Variants in MYO18B observed in about 807,000 individuals in gnomAD.
MYO18B encodes the protein myosin XVIIIB.
In MYO18B, 204 loss-of-function variants were observed where a neutral mutation model predicts 273.0. The ratio of observed to expected loss-of-function variants is 0.75; its 90% CI spans 0.67 to 0.84. The LOEUF is 0.84. Among genes scored for constraint, MYO18B ranks in the 40% least tolerant of loss-of-function variants. The pLI is 0.00. For synonymous variants in MYO18B, 1,330 were observed against 1,305.7 expected, an observed-to-expected ratio of 1.02 and a Z score of -0.40; for missense variants, 3,212 against 3,287.6, an observed-to-expected ratio of 0.98 and a Z score of 0.56.
At chr22:26,048,079 C>T in the MYO18B span, among the ~76,000 whole-genome samples, 1 of 152,160 alleles carries the variant, frequency 6.6e-6, no homozygotes, top group East Asian at 1.9e-4. Context: ...GAGTAGACTT[C>T]CTCCGGTTAC....
At chr22:25,832,637 G>A (rs1454885327) in intron 15 of MYO18B, among the ~76,000 whole-genome samples, 4 of 152,164 alleles carry the variant, frequency 2.6e-5, no homozygotes, top group African/African-American at 9.7e-5. Context: ...AGTCTCATGG[G>A]TACAGAGATT....
At chr22:25,914,553 T>A (rs1017731934) in intron 33 of MYO18B, among the ~76,000 whole-genome samples, 2 of 152,070 alleles carry the variant, frequency 1.3e-5, no homozygotes, top group Non-Finnish European at 2.9e-5. Context: ...GGGAATACCA[T>A]TGATTATCAT....
intron 7 of MYO18B, 47 bp downstream of exon 7, chr22:25,772,557 G>T: frequency 1.3e-6 from 2 of 1,555,616 alleles, no homozygotes; most frequent in Non-Finnish European, 1.7e-6. Context: ...GAGGGCAGGG[G>T]GGCCTGGGGG....
chr22:25,955,396 G>A (rs373018937), intron 39 of MYO18B, 32 bp downstream of exon 39: 54 of 1,581,726 alleles, frequency 3.4e-5, no homozygotes, highest in African/African-American at 4.1e-5. Context: ...GGCTCTTAGC[G>A]ACTGAGGGTT....
chr22:26,025,217 G>A (rs768044303), intron 42 of MYO18B, among the ~76,000 whole-genome samples: 46 of 152,016 alleles, frequency 3.0e-4, no homozygotes, highest in Non-Finnish European at 6.0e-4. Context: ...ATTCCCTCCC[G>A]TGCCTTCCAT....
intron 39 of MYO18B, among the ~76,000 whole-genome samples, chr22:25,978,673 G>GC (rs1370402253): frequency 6.6e-6 from 1 of 152,148 alleles, no homozygotes; most frequent in African/African-American, 2.4e-5. Context: ...GTGAATCCTG[G>GC]CCAGGCATGG....
intron 40 of MYO18B, among the ~76,000 whole-genome samples, chr22:25,994,202 C>T (rs1011893503): frequency 6.6e-6 from 1 of 152,212 alleles, no homozygotes; most frequent in African/African-American, 2.4e-5. Context: ...CATGGTGGCC[C>T]ACACATGTAA....
chr22:25,773,639 A>G (rs984178853), intron 7 of MYO18B, among the ~76,000 whole-genome samples: 16 of 151,832 alleles, frequency 1.1e-4, no homozygotes, highest in African/African-American at 3.9e-4. Context: ...AATTTTTTGT[A>G]TTTTTAGTAG....
chr22:25,866,026 G>A (rs2090875312), intron 21 of MYO18B, among the ~76,000 whole-genome samples: 1 of 152,154 alleles, frequency 6.6e-6, no homozygotes, highest in South Asian at 2.1e-4. Context: ...GAGGTTGGAA[G>A]ATGGAGCTTC....
At chr22:25,998,102 C>T (rs926033866) in intron 40 of MYO18B, among the ~76,000 whole-genome samples, 1 of 152,152 alleles carries the variant, frequency 6.6e-6, no homozygotes, top group African/African-American at 2.4e-5. Flanking sequence ...ACAGGCCTTC[C>T]AGGCTGGAAA....
intron 1 of MYO18B, among the ~76,000 whole-genome samples, chr22:25,750,689 C>A (rs1395310494): frequency 2.0e-5 from 3 of 152,132 alleles, no homozygotes; most frequent in African/African-American, 7.2e-5. Context: ...AATAAAGAAC[C>A]AAATAGTGAC....
rs111624695 is a variant in MYO18B at position 25,843,122 on chromosome 22, C to T, written c.3209-613C>T. 1.5e-3 allele frequency among the ~76,000 whole-genome samples: 229 copies of T among 152,266 alleles called. 1 individual carries two copies. The highest frequency in any genetic ancestry group is 5.4e-3 in the African/African-American group (223 of 41,554). On this transcript the variant is annotated intron_variant, in intron 17 of 43. Transcript: ENST00000335473. ...GACTTACGGGGCTTGGCACCTTTCACACAGTAATAAATGGTAAAGAACCTA... is the reference window on the plus strand; with the variant it reads ...GACTTACGGGGCTTGGCACCTTTCATACAGTAATAAATGGTAAAGAACCTA...
intron 12 of MYO18B, among the ~76,000 whole-genome samples, chr22:25,812,233 A>G (rs992872331): frequency 2.0e-5 from 3 of 152,142 alleles, no homozygotes; most frequent in African/African-American, 7.2e-5. Flanking sequence ...CTGGGCTCAC[A>G]TCTATTTTCT....
chr22:26,031,628 G>C (rs1371558463), downstream of MYO18B, among the ~76,000 whole-genome samples: 1 of 152,160 alleles, frequency 6.6e-6, no homozygotes, highest in Non-Finnish European at 1.5e-5. Flanking sequence ...GAGTGGGGCT[G>C]GGGAAGTGGG....
At chr22:26,010,757 G>C (rs1253687628) in intron 42 of MYO18B, among the ~76,000 whole-genome samples, 2 of 152,072 alleles carry the variant, frequency 1.3e-5, no homozygotes, top group South Asian at 2.1e-4. Flanking sequence ...ACTAGGACTG[G>C]GTGCTCCACA....
chr22:26,061,065 T>G, the MYO18B span, among the ~76,000 whole-genome samples: 1 of 118,184 alleles, frequency 8.5e-6, no homozygotes, highest in South Asian at 2.5e-4. Flanking sequence ...GTGAACCTTC[T>G]GTAGCCCCAG....
intron 42 of MYO18B, among the ~76,000 whole-genome samples, chr22:26,019,130 G>A (rs1448981016): frequency 6.6e-6 from 1 of 152,106 alleles, no homozygotes; most frequent in Non-Finnish European, 1.5e-5. Flanking sequence ...CTCTCCCCAG[G>A]AGGGGAGGGC....
At chr22:25,932,029 G>T (rs960397827) in intron 34 of MYO18B, among the ~76,000 whole-genome samples, 16 of 151,982 alleles carry the variant, frequency 1.1e-4, no homozygotes, top group African/African-American at 3.9e-4. Context: ...GAGCCAACAC[G>T]CCCAGCCTAT....
At chr22:25,970,701 A>C (rs1324178920) in intron 39 of MYO18B, among the ~76,000 whole-genome samples, 1 of 152,160 alleles carries the variant, frequency 6.6e-6, no homozygotes, top group African/African-American at 2.4e-5. Context: ...GCTGACATCC[A>C]CCCAGCTGGG....
Sources: gnomAD v4.1 joint callset for allele counts (sites outside exome capture counted in the v4.1 genomes callset) on GRCh38, gnomAD v4.1.1 for gene constraint, MANE v1.5 for transcripts, NCBI Gene and HGNC (gene_info 2026-07-23, HGNC 2026-07-21) for gene names.